PLEKHG4B: variants seen among roughly 807,000 people sequenced by gnomAD.
The protein encoded by PLEKHG4B is pleckstrin homology and RhoGEF domain containing G4B, also known as pleckstrin homology domain-containing family G member 4B.
A neutral mutation model predicts 121.3 loss-of-function variants in PLEKHG4B; 111 were observed. The observed-to-expected ratio is 0.92, with a 90% confidence interval of 0.78 to 1.07. The LOEUF (loss-of-function observed/expected upper bound fraction) is 1.07. PLEKHG4B is among the 50% of genes least tolerant of loss of function. The probability of loss-of-function intolerance (pLI) is 0.00; values close to 1 mark genes in which losing one functional copy is unlikely to be tolerated. For synonymous variants in PLEKHG4B, 738 were observed against 725.0 expected, an observed-to-expected ratio of 1.02 and a Z score of -0.29; for missense variants, 1,831 against 1,757.8, an observed-to-expected ratio of 1.04 and a Z score of -0.74.
chr5:112,733 C>T (rs1734192708), intron 1 of PLEKHG4B, among the ~76,000 whole-genome samples: 2 of 152,152 alleles, frequency 1.3e-5, no homozygotes. Flanking sequence ...AATGTATTTG[C>T]TGTGGGATGA....
chr5:159,281 G>A lies in PLEKHG4B; in HGVS notation c.2487+2370G>A, dbSNP rs1455005434. Among the ~76,000 whole-genome samples the A allele has an allele frequency of 6.6e-6, 1 of 150,580 alleles. No individual in the cohort carries two copies. The highest frequency in any genetic ancestry group is 2.5e-5 in the African/African-American group (1 of 40,434). On this transcript the variant is annotated intron_variant, in intron 11 of 19. Transcript: ENST00000637938. The surrounding 1 kb of genome is among the most constrained non-coding windows in gnomAD (Gnocchi z 5.5). Reference sequence around the variant, plus strand: ...GGTCGCCCAGGTGCACTGAGGGCAGGTGTGCCTGAGGGTCGCCCAGGTGCA... The same window carrying A: ...GGTCGCCCAGGTGCACTGAGGGCAGATGTGCCTGAGGGTCGCCCAGGTGCA...
At position 158,663 on chromosome 5, in the gene PLEKHG4B, GATCTCCCCC is replaced by G. The variant is rs569156037; in HGVS notation, c.2487+1761_2487+1769del. Among the ~76,000 whole-genome samples the G allele has an allele frequency of 2.4e-3, 341 of 140,124 alleles. 2 individuals are homozygous for G. The highest frequency in any genetic ancestry group is 8.8e-3 in the African/African-American group (327 of 37,200). 91.9% of individuals were successfully genotyped at this position (140,124 alleles called of 152,430 possible). Reference sequence around the variant, plus strand: ...CCTCCTCCCTCTGCCCATCCTGGGGGATCTCCCCCATCTCCCCTTCCTCCCTCTGCCTGT... The same window carrying G: ...CCTCCTCCCTCTGCCCATCCTGGGGGATCTCCCCTTCCTCCCTCTGCCTGT... On this transcript the variant is annotated intron_variant, in intron 11 of 19. Transcript: ENST00000637938.
At chr5:107,635 G>A (rs141198525) in intron 1 of PLEKHG4B, among the ~76,000 whole-genome samples, 9 of 152,230 alleles carry the variant, frequency 5.9e-5, no homozygotes, top group African/African-American at 9.6e-5. Context: ...GCCCATCCCC[G>A]CCCTGGGTCT....
intron 2 of PLEKHG4B, among the ~76,000 whole-genome samples, chr5:117,034 C>A (rs1009999191): frequency 4.6e-5 from 7 of 152,152 alleles, no homozygotes; most frequent in Non-Finnish European, 1.0e-4. Context: ...TGTGAAGTTT[C>A]TTTTTCCTCT....
In PLEKHG4B at chr5:105,073, G is replaced by A. The variant is rs530776817; in HGVS notation, c.46-8178G>A. ...GTGCACAGTGGGTGAGGGCTGTTCTGGTTCTGGTGTTCCCGTCCTGAAGGT... is the reference window on the plus strand; with the variant it reads ...GTGCACAGTGGGTGAGGGCTGTTCTAGTTCTGGTGTTCCCGTCCTGAAGGT... On this transcript the variant is annotated intron_variant, in intron 1 of 19. Coordinates refer to ENST00000637938, the MANE Select transcript of PLEKHG4B (RefSeq NM_052909.5). 2.9e-3 allele frequency among the ~76,000 whole-genome samples: 439 copies of A among 150,834 alleles called. 5 individuals carry two copies. The highest frequency in any genetic ancestry group is 0.015 in the Admixed American group (219 of 15,052).
intron 6 of PLEKHG4B, among the ~76,000 whole-genome samples, chr5:150,179 C>T (rs1009929157): frequency 4.6e-5 from 7 of 152,134 alleles, no homozygotes; most frequent in African/African-American, 1.4e-4. Flanking sequence ...TATTATCCAG[C>T]CTTAAAAAGG....
chr5:146,044 C>T (rs142297872), intron 6 of PLEKHG4B, among the ~76,000 whole-genome samples: 4 of 151,662 alleles, frequency 2.6e-5, no homozygotes, highest in Non-Finnish European at 2.9e-5. Flanking sequence ...TTCCATGGTC[C>T]TCCCTCCTCT....
At chr5:181,256 G>A (rs1399131933) in intron 18 of PLEKHG4B, among the ~76,000 whole-genome samples, 52 of 152,162 alleles carry the variant, frequency 3.4e-4, no homozygotes, top group Non-Finnish European at 5.9e-5. Flanking sequence ...CCCCAGGTTG[G>A]ACACGCCGTT....
chr5:127,852 T>G (rs1734665952), intron 2 of PLEKHG4B, among the ~76,000 whole-genome samples: 1 of 152,182 alleles, frequency 6.6e-6, no homozygotes, highest in Non-Finnish European at 1.5e-5. Flanking sequence ...AGGGTACAGC[T>G]TGGTTTTATA....
rs1275263059 is a variant in PLEKHG4B at position 162,837 on chromosome 5, GGGCAGGTGT to G, written c.2771_2779del (p.Gly924_Ala926del). On this transcript the variant is annotated inframe_deletion, in exon 13 of 20. Transcript: ENST00000637938. Reference sequence around the variant, plus strand: ...TCGGTGGCTGCAGAGGCCTTCCCCGGGGCAGGTGTGGCAGTGCTGAAGCCTCATGCCCTG... The same window carrying G: ...TCGGTGGCTGCAGAGGCCTTCCCCGGGGCAGTGCTGAAGCCTCATGCCCTG... The G allele has an allele frequency of 2.6e-6, 4 of 1,511,874 alleles. No individual in the cohort carries two copies. In the East Asian group the frequency reaches 9.5e-5, roughly 36 times the overall value. The allele number at this position is 1,511,874 out of a possible 1,614,324, so 93.7% of individuals were successfully genotyped here.
chr5:157,517 C>T lies in PLEKHG4B; in HGVS notation c.2487+606C>T, dbSNP rs1005869139. 2.6e-5 allele frequency among the ~76,000 whole-genome samples: 4 copies of T among 152,074 alleles called. No homozygotes were observed. The highest frequency in any genetic ancestry group is 2.1e-4 in the South Asian group (1 of 4,808). The stretch of plus-strand genomic sequence containing the variant: ...GGTGTGAGTTGTGCACAGTGTGTGG[C>T]GTGGCTGGGGTTATTGATGGCCCTT... On this transcript the variant is annotated intron_variant, in intron 11 of 19. Coordinates refer to ENST00000637938, the MANE Select transcript of PLEKHG4B (RefSeq NM_052909.5). This position sits in a 1 kb window ranked among gnomAD's most constrained non-coding sequence, Gnocchi z 4.6.
At position 157,635 on chromosome 5, in the gene PLEKHG4B, CAG is replaced by C. The variant is rs1735834095; in HGVS notation, c.2487+725_2487+726del. 6.6e-6 allele frequency among the ~76,000 whole-genome samples: 1 copy of C among 152,150 alleles called. No homozygotes were observed. Among genetic ancestry groups the C allele is most frequent in the Middle Eastern group, 3.4e-3 (1 of 292 alleles). ...GCACCAGCGAAATGATTGCTTAGCT[CAG>C]GGGTGCAGATGATGCTGCTGCCTCA... On this transcript the variant is annotated intron_variant, in intron 11 of 19. Transcript: ENST00000637938. This position sits in a 1 kb window ranked among gnomAD's most constrained non-coding sequence, Gnocchi z 4.6.
Position 165,223 on chromosome 5 carries a change from C to T in PLEKHG4B, c.3476+1675C>T, listed in dbSNP as rs1416773333. 3.2e-4 allele frequency among the ~76,000 whole-genome samples: 10 copies of T among 31,436 alleles called. 1 individual carries two copies. The highest frequency in any genetic ancestry group is 5.2e-4 in the East Asian group (1 of 1,936). 20.6% of individuals were successfully genotyped at this position (31,436 alleles called of 152,430 possible). On this transcript the variant is annotated intron_variant, in intron 13 of 19. Coordinates refer to ENST00000637938, the MANE Select transcript of PLEKHG4B (RefSeq NM_052909.5). ...GGCGGAGCTCACACTAATGCTCTGA[C>T]GGGGCGGAGCTCACACTAATGCTCT...
rs747548148 is a variant in PLEKHG4B at position 163,003 on chromosome 5, T to C, written c.2931T>C (p.His977=). The C allele has an allele frequency of 1.3e-5, 20 of 1,565,960 alleles. No homozygotes were observed. Among genetic ancestry groups the C allele is most frequent in the Non-Finnish European group, 1.6e-5 (19 of 1,155,450 alleles). The change falls in exon 13 of 20, where the codon CAT becomes CAC. Residue 977 remains histidine, a synonymous_variant. Transcript: ENST00000637938. ...CCCTTGCCCAGAGCCCCCCAAAGCA[T>C]GAGCGTGCCCAGGAGGCCATGAGGA... ...LPPLAQSPPK[H]ERAQEAMRRH... is the part of the protein sequence containing the mutation.
rs774735067 is a variant in PLEKHG4B, at chr5:163,164, G to A, written c.3092G>A (p.Cys1031Tyr). The A allele has an allele frequency of 1.3e-6, 2 of 1,565,404 alleles. No homozygotes were observed. Among genetic ancestry groups the A allele is most frequent in the Admixed American group, 1.8e-5 (1 of 54,384 alleles). The change falls in exon 13 of 20, where the codon TGT becomes TAT. Residue 1031 changes from cysteine to tyrosine, a missense_variant. Coordinates refer to ENST00000637938, the MANE Select transcript of PLEKHG4B (RefSeq NM_052909.5). Reference protein sequence around the residue: ...QDGETLRPGLCALWDPLSLLR... With the variant: ...QDGETLRPGLYALWDPLSLLR... ...GGGGAGACCCTGCGCCCAGGGCTGT[G>A]TGCTCTGTGGGACCCACTGTCCCTC... is the stretch of plus-strand genomic sequence containing the variant.
At chr5:98,768 C>T (rs773829146) in intron 1 of PLEKHG4B, among the ~76,000 whole-genome samples, 16 of 147,226 alleles carry the variant, frequency 1.1e-4, no homozygotes, top group Admixed American at 2.7e-4. Flanking sequence ...CCACCCCGCC[C>T]GGCCGATTAC....
At chr5:151,444 G>A (rs1214268725) in intron 6 of PLEKHG4B, 69 bp from the exon 7 acceptor site, 2 of 1,034,750 alleles carry the variant, frequency 1.9e-6, no homozygotes, top group Non-Finnish European at 2.8e-6. Context: ...ACTCAAAATT[G>A]GGCAATTCTA....
intron 17 of PLEKHG4B, 105 bp from the exon 18 acceptor site, chr5:173,813 T>G: frequency 3.0e-6 from 4 of 1,314,428 alleles, no homozygotes; most frequent in African/African-American, 1.5e-5. Context: ...ACATTTGTCA[T>G]TTGGTGTCTG....
intron 18 of PLEKHG4B, 58 bp downstream of exon 18, chr5:174,156 G>C (rs1434056264): frequency 1.0e-5 from 13 of 1,259,402 alleles, no homozygotes; most frequent in Non-Finnish European, 1.4e-5. Context: ...AGGGGCAGGG[G>C]TCGGGGCTGG....
Sources: gnomAD v4.1 joint callset for allele counts (sites outside exome capture counted in the v4.1 genomes callset) on GRCh38, gnomAD v4.1.1 for gene constraint, Gnocchi (gnomAD v3.1) non-coding constraint, MANE v1.5 for transcripts, NCBI Gene and HGNC (gene_info 2026-07-23, HGNC 2026-07-21) for gene names.